Variants in SYNPO2 observed in about 807,000 individuals in gnomAD.
SYNPO2 encodes synaptopodin 2.
A neutral mutation model predicts 85.0 loss-of-function variants in SYNPO2; 56 were observed. The observed-to-expected ratio is 0.66, with a 90% CI of 0.53 to 0.82. SYNPO2 has a LOEUF of 0.82. SYNPO2 is among the 40% of genes least tolerant of loss of function. The pLI is 0.00. For synonymous variants in SYNPO2, 602 were observed against 591.1 expected, an observed-to-expected ratio of 1.02 and a Z score of -0.27; for missense variants, 1,575 against 1,534.2, an observed-to-expected ratio of 1.03 and a Z score of -0.44.
chr4:119,039,728 G>A (rs1448219843), intron 4 of SYNPO2, among the ~76,000 whole-genome samples: 1 of 152,150 alleles, frequency 6.6e-6, no homozygotes, highest in Non-Finnish European at 1.5e-5. Flanking sequence ...ACAGAATAGT[G>A]ATGAGAGAAA....
At position 118,853,390 on chromosome 4, in the gene SYNPO2, C is replaced by T. The variant is rs181516305; in HGVS notation, c.12+2450C>T. Among the ~76,000 whole-genome samples, 8 of 152,204 alleles carry T rather than the reference C, an allele frequency of 5.3e-5. No individual in the cohort carries two copies. The East Asian group carries it at 1.4e-3, about 26-fold the overall frequency. On this transcript the variant is annotated intron_variant, in intron 1 of 4. Transcript: ENST00000610556. ...TCAAATTTAGGATATTTCCCCCCCT[C>T]CTGATTTAAATAAGTAGTATTAAGC... is the stretch of plus-strand genomic sequence containing the variant.
intron 1 of SYNPO2, among the ~76,000 whole-genome samples, chr4:118,893,535 G>A (rs928525771): frequency 6.6e-6 from 1 of 152,168 alleles, no homozygotes; most frequent in Non-Finnish European, 1.5e-5. Flanking sequence ...AAAATGATGA[G>A]ATTTGATTTT....
At chr4:119,017,760 C>A (rs919645178) in intron 1 of SYNPO2, among the ~76,000 whole-genome samples, 6 of 152,126 alleles carry the variant, frequency 3.9e-5, no homozygotes, top group African/African-American at 1.4e-4. Context: ...GTTTCTATCA[C>A]CCACTCTGAC....
chr4:118,882,771 C>T (rs1297515196), intron 1 of SYNPO2, among the ~76,000 whole-genome samples: 4 of 138,050 alleles, frequency 2.9e-5, no homozygotes, highest in Non-Finnish European at 4.9e-5. Flanking sequence ...AAGATGCCTG[C>T]TAGTTTTTTT....
intron 1 of SYNPO2, among the ~76,000 whole-genome samples, chr4:118,932,110 G>A (rs1018788514): frequency 6.6e-6 from 1 of 152,102 alleles, no homozygotes; most frequent in Non-Finnish European, 1.5e-5. Context: ...TCTCTCAGAA[G>A]GCATCTTTTT....
At chr4:118,893,244 T>C (rs1413907260) in intron 1 of SYNPO2, among the ~76,000 whole-genome samples, 2 of 152,214 alleles carry the variant, frequency 1.3e-5, no homozygotes, top group African/African-American at 4.8e-5. Flanking sequence ...AAAAAATCCT[T>C]ATTTTGGAAT....
intron 1 of SYNPO2, among the ~76,000 whole-genome samples, chr4:118,938,166 G>A (rs1324839462): frequency 6.6e-6 from 1 of 151,898 alleles, no homozygotes; most frequent in Non-Finnish European, 1.5e-5. Context: ...TAGCCAGGCG[G>A]TAGGCTGTAT....
At chr4:119,005,714 C>G (rs1436869441) in intron 1 of SYNPO2, among the ~76,000 whole-genome samples, 2 of 152,024 alleles carry the variant, frequency 1.3e-5, no homozygotes, top group African/African-American at 4.8e-5. Flanking sequence ...GATGTGGGCT[C>G]TTTTTTGGTT....
At chr4:118,873,352 ATC>A (rs1731837930) in intron 1 of SYNPO2, among the ~76,000 whole-genome samples, 1 of 151,888 alleles carries the variant, frequency 6.6e-6, no homozygotes, top group Non-Finnish European at 1.5e-5. Flanking sequence ...TTTTTCCAAT[ATC>A]TGTTATTTTT....
chr4:118,927,876 T>A (rs989322197), intron 1 of SYNPO2, among the ~76,000 whole-genome samples: 1 of 152,176 alleles, frequency 6.6e-6, no homozygotes, highest in Non-Finnish European at 1.5e-5. Flanking sequence ...CCTGTATGTG[T>A]TGTACTGGCA....
intron 1 of SYNPO2, among the ~76,000 whole-genome samples, chr4:118,878,863 C>T (rs1017735307): frequency 6.6e-6 from 1 of 152,232 alleles, no homozygotes; most frequent in Non-Finnish European, 1.5e-5. Flanking sequence ...GGCACCCACT[C>T]AGGTCCTTTT....
At chr4:118,871,233 C>T (rs975060259) in intron 1 of SYNPO2, among the ~76,000 whole-genome samples, 37 of 152,164 alleles carry the variant, frequency 2.4e-4, no homozygotes, top group Non-Finnish European at 1.6e-4. Flanking sequence ...CTACCACATC[C>T]CTCCCCACAC....
rs140673350 is a variant in SYNPO2 at position 118,898,586 on chromosome 4, A to T, written c.105+9445A>T. 2.0e-4 allele frequency among the ~76,000 whole-genome samples: 30 copies of T among 152,286 alleles called. No homozygotes were observed. In the East Asian group the frequency reaches 5.0e-3, roughly 25 times the overall value. On this transcript the variant is annotated intron_variant, in intron 1 of 4. Transcript: ENST00000307142. Reference sequence around the variant, plus strand: ...TAATATTCCTACAATCATTTTTTTTAACAGTGGAGGAAACTGAGGCTTAGA... The same window carrying T: ...TAATATTCCTACAATCATTTTTTTTTACAGTGGAGGAAACTGAGGCTTAGA...
At chr4:118,930,153 G>A (rs1021623630) in intron 1 of SYNPO2, among the ~76,000 whole-genome samples, 2 of 152,130 alleles carry the variant, frequency 1.3e-5, no homozygotes, top group Non-Finnish European at 2.9e-5. Context: ...TATGTGCCAG[G>A]TATAATGCTA....
In SYNPO2 at chr4:119,031,655, T is replaced by C. The variant is rs1413785483; in HGVS notation, c.2880T>C (p.Asn960=). Residue 960 remains asparagine, a synonymous_variant, in exon 4 of 5, where the codon AAT becomes AAC. Coordinates refer to ENST00000307142, the MANE Select transcript of SYNPO2 (RefSeq NM_133477.3). ...MGKKKGKKPL[N]ALDVMKHQPY... ...AGAAAAAGGGAAAGAAACCCCTCAA[T>C]GCATTAGATGTCATGAAGCACCAAC... 6.2e-7 allele frequency: 1 copy of C among 1,614,152 alleles called. No individual in the cohort carries two copies. The highest frequency in any genetic ancestry group is 8.5e-7 in the Non-Finnish European group (1 of 1,180,016).
intron 1 of SYNPO2, among the ~76,000 whole-genome samples, chr4:118,972,972 G>A (rs1207333218): frequency 6.6e-6 from 1 of 152,076 alleles, no homozygotes; most frequent in Non-Finnish European, 1.5e-5. Flanking sequence ...CACACCAATG[G>A]TCCCCACTTA....
chr4:118,953,430 C>CA (rs1469129998), intron 1 of SYNPO2, among the ~76,000 whole-genome samples: 1 of 152,128 alleles, frequency 6.6e-6, no homozygotes, highest in Non-Finnish European at 1.5e-5. Flanking sequence ...CTGTATCCCC[C>CA]ATTGCCCAGT....
chr4:118,899,043 A>G (rs1009646095), intron 1 of SYNPO2, among the ~76,000 whole-genome samples: 1 of 152,178 alleles, frequency 6.6e-6, no homozygotes. Context: ...TTGCTCTTCC[A>G]TGTTGCTGTG....
In SYNPO2 at chr4:119,058,867, G is replaced by A. The variant is rs889624196; in HGVS notation, c.*933G>A. 2.6e-5 allele frequency: 4 copies of A among 152,108 alleles called. No homozygotes were observed. Among genetic ancestry groups the A allele is most frequent in the Non-Finnish European group, 4.4e-5 (3 of 68,028 alleles). The allele number at this position is 152,108 out of a possible 1,614,324, so 9.4% of individuals were successfully genotyped here. On this transcript the variant is annotated 3_prime_UTR_variant, in exon 5 of 5. Transcript: ENST00000307142. ...TTCTCAGAAAGAAATAAACACATGA[G>A]AATAAGATTATTACACATTTTGGAA...
Sources: allele counts gnomAD v4.1 joint callset (sites outside exome capture counted in the v4.1 genomes callset), GRCh38; gene constraint gnomAD v4.1.1; transcripts MANE v1.5; gene names NCBI Gene and HGNC (gene_info 2026-07-23, HGNC 2026-07-21).